Variants in NRDC observed in about 807,000 individuals in gnomAD.
The protein encoded by NRDC is nardilysin convertase, also known as nardilysin.
A neutral mutation model predicts 147.1 loss-of-function variants in NRDC; 54 were observed. The observed-to-expected ratio is 0.37, with a 90% CI of 0.29 to 0.46. The LOEUF (loss-of-function observed/expected upper bound fraction) is 0.46. NRDC is among the 20% of genes least tolerant of loss of function. NRDC has a pLI of 1.00. For synonymous variants in NRDC, 440 were observed against 482.1 expected, an observed-to-expected ratio of 0.91 and a Z score of 1.14; for missense variants, 1,082 against 1,370.6, an observed-to-expected ratio of 0.79 and a Z score of 3.33.
At chr1:51,833,664 A>G (rs554823393) in intron 4 of NRDC, among the ~76,000 whole-genome samples, 8 of 152,060 alleles carry the variant, frequency 5.3e-5, no homozygotes, top group Non-Finnish European at 1.0e-4. Flanking sequence ...GCTGGAGTGC[A>G]GTGGTGTGAC....
chr1:51,856,600 G>A (rs1682255715), intron 1 of NRDC, among the ~76,000 whole-genome samples: 1 of 152,142 alleles, frequency 6.6e-6, no homozygotes, highest in Non-Finnish European at 1.5e-5. Context: ...AAGGGGCACA[G>A]GGCTTCTATG....
intron 1 of NRDC, 158 bp downstream of exon 1, chr1:51,878,117 G>A (rs1266303252): frequency 1.4e-6 from 2 of 1,422,368 alleles, no homozygotes; most frequent in Admixed American, 2.9e-5. Context: ...CCACAGGGAA[G>A]CCTCTAATCA....
chr1:51,816,854 TGAC>T (rs1679991819), intron 10 of NRDC, among the ~76,000 whole-genome samples: 1 of 152,242 alleles, frequency 6.6e-6, no homozygotes, highest in African/African-American at 2.4e-5. Flanking sequence ...AAGTAAATCA[TGAC>T]CTTGAGCAAG....
intron 5 of NRDC, among the ~76,000 whole-genome samples, chr1:51,825,794 A>G (rs1248759292): frequency 1.3e-5 from 2 of 152,244 alleles, no homozygotes; most frequent in Non-Finnish European, 2.9e-5. Flanking sequence ...ATGGCTAAGA[A>G]CAATCCACTT....
intron 20 of NRDC, among the ~76,000 whole-genome samples, chr1:51,802,316 C>A (rs950394303): frequency 6.6e-6 from 1 of 152,128 alleles, no homozygotes; most frequent in Admixed American, 6.6e-5. Flanking sequence ...AGAAAGTTTA[C>A]ATCTATATTC....
chr1:51,875,002 GCA>G lies in NRDC; in HGVS notation c.341+3271_341+3272del, dbSNP rs879534101. 8.0e-3 allele frequency among the ~76,000 whole-genome samples: 1,212 copies of G among 152,250 alleles called. 17 individuals are homozygous for G. The highest frequency in any genetic ancestry group is 0.028 in the African/African-American group (1,158 of 41,550). On this transcript the variant is annotated intron_variant, in intron 1 of 30. Coordinates refer to ENST00000352171, the MANE Select transcript of NRDC (RefSeq NM_001101662.2). ...GATGCTATGTACTGTAATGGATCGT[GCA>G]CAAAATCCTACTGAAATACAATGGA...
At chr1:51,865,788 C>T (rs1028172011) in intron 1 of NRDC, among the ~76,000 whole-genome samples, 2 of 151,858 alleles carry the variant, frequency 1.3e-5, no homozygotes, top group African/African-American at 2.4e-5. Context: ...CATGATAGCT[C>T]ACGCCTGTAT....
chr1:51,815,410 T>A (rs2474118), intron 11 of NRDC, among the ~76,000 whole-genome samples: 11,021 of 152,162 alleles, frequency 0.072, 455 homozygotes, highest in Middle Eastern at 0.21. Flanking sequence ...TCTTTGAGGC[T>A]GTCAGCTAAC....
At chr1:51,823,345 T>C (rs867176568) in intron 7 of NRDC, among the ~76,000 whole-genome samples, 21 of 152,280 alleles carry the variant, frequency 1.4e-4, no homozygotes, top group Middle Eastern at 6.8e-3. Flanking sequence ...ACAGATACAA[T>C]TGCAGCTGAA....
intron 1 of NRDC, among the ~76,000 whole-genome samples, chr1:51,874,103 G>A (rs185953961): frequency 1.3e-5 from 2 of 150,120 alleles, no homozygotes; most frequent in African/African-American, 4.9e-5. Context: ...CTCCAGCCTG[G>A]GCGATGAATT....
chr1:51,825,218 T>G, intron 6 of NRDC, 69 bp downstream of exon 6: 1 of 1,060,174 alleles, frequency 9.4e-7, no homozygotes, highest in South Asian at 1.4e-5. Context: ...TTTCAATTCT[T>G]TATCAACTTT....
chr1:51,792,238 G>T, intron 25 of NRDC, 139 bp downstream of exon 25: 1 of 1,329,846 alleles, frequency 7.5e-7, no homozygotes, highest in Non-Finnish European at 1.1e-6. Context: ...CTTATACTGG[G>T]TGAGAACAGT....
intron 1 of NRDC, among the ~76,000 whole-genome samples, chr1:51,871,373 C>T (rs1381541610): frequency 6.6e-6 from 1 of 151,798 alleles, no homozygotes; most frequent in African/African-American, 2.4e-5. Flanking sequence ...CTGGTTTCTG[C>T]CTCCATACCA....
Position 51,825,293 on chromosome 1 carries a change from A to C in NRDC, c.1030T>G (p.Phe344Val). The C allele has an allele frequency of 1.9e-6, 3 of 1,597,660 alleles. No individual in the cohort carries two copies. Among genetic ancestry groups the C allele is most frequent in the Non-Finnish European group, 2.6e-6 (3 of 1,173,496 alleles). Residue 344 changes from phenylalanine to valine, a missense_variant, in exon 6 of 31, where the codon TTT becomes GTT. By Grantham distance (50) the Phe-to-Val change is conservative. Transcript: ENST00000352171. ...GATGTATTTAGTATCTTACCCCAAAAAAATTTTCCCATAGGATGTCCAGGT... is the reference window on the plus strand; with the variant it reads ...GATGTATTTAGTATCTTACCCCAAACAAATTTTCCCATAGGATGTCCAGGT... ...ARPGHPMGKF[F>V]WGNAETLKHE...
At chr1:51,844,957 T>C (rs1189725027) in intron 1 of NRDC, among the ~76,000 whole-genome samples, 2 of 152,192 alleles carry the variant, frequency 1.3e-5, no homozygotes, top group Non-Finnish European at 2.9e-5. Flanking sequence ...TACTCTGTCT[T>C]TGATATTTTG....
At chr1:51,863,030 A>C (rs1682625489) in intron 1 of NRDC, among the ~76,000 whole-genome samples, 1 of 150,316 alleles carries the variant, frequency 6.7e-6, no homozygotes, top group Non-Finnish European at 1.5e-5. Flanking sequence ...AAAAAAAAAA[A>C]AAAAAAAACA....
chr1:51,860,449 T>C (rs751053044), intron 1 of NRDC, among the ~76,000 whole-genome samples: 34 of 152,252 alleles, frequency 2.2e-4, no homozygotes, highest in Non-Finnish European at 4.3e-4. Context: ...TCTGTGTTCA[T>C]TGCTGCTGCA....
intron 3 of NRDC, among the ~76,000 whole-genome samples, chr1:51,835,435 C>T (rs1308426343): frequency 1.3e-5 from 2 of 149,806 alleles, no homozygotes; most frequent in African/African-American, 4.9e-5. Flanking sequence ...ATTAATCATG[C>T]CTTTTGAATT....
chr1:51,805,907 C>T (rs763381207), intron 18 of NRDC, among the ~76,000 whole-genome samples: 1 of 152,126 alleles, frequency 6.6e-6, no homozygotes, highest in African/African-American at 2.4e-5. Flanking sequence ...AAATTTACAG[C>T]AGAGGCTTTC....
Sources: gnomAD v4.1 joint callset for allele counts (sites outside exome capture counted in the v4.1 genomes callset) on GRCh38, gnomAD v4.1.1 for gene constraint, MANE v1.5 for transcripts, NCBI Gene and HGNC (gene_info 2026-07-23, HGNC 2026-07-21) for gene names.